The following ENPP6 variants were observed in gnomAD, a reference collection of about 807,000 sequenced individuals.
ENPP6 encodes ectonucleotide pyrophosphatase/phosphodiesterase 6.
In ENPP6, 32 loss-of-function variants were observed where a neutral mutation model predicts 42.0. The ratio of observed to expected loss-of-function variants is 0.76; its 90% CI spans 0.58 to 1.02. The LOEUF is 1.02. Ranked by LOEUF, ENPP6 falls within the 50% of genes least tolerant of loss-of-function variation. The probability of loss-of-function intolerance (pLI) is 0.00; values close to 1 mark genes in which losing one functional copy is unlikely to be tolerated. For missense variants in ENPP6, 552 were observed against 566.8 expected, an observed-to-expected ratio of 0.97 and a Z score of 0.27; for synonymous variants, 213 against 216.0, an observed-to-expected ratio of 0.99 and a Z score of 0.12.
In ENPP6 at chr4:184,207,969, A is replaced by G. The variant is rs1561012244; in HGVS notation, c.241+9610T>C. On this transcript the variant is annotated intron_variant, in intron 1 of 7. Coordinates refer to ENST00000296741, the MANE Select transcript of ENPP6 (RefSeq NM_153343.4). ...CATGCCTGTGTCTCTTCGCCTTCCT[A>G]TACTGTCATATTGGAATAGCCCGCT... is the stretch of plus-strand genomic sequence containing the variant. Among the ~76,000 whole-genome samples the G allele has an allele frequency of 3.4e-5, 5 of 146,932 alleles. No homozygotes were observed. The South Asian group carries it at 1.1e-3, about 32-fold the overall frequency.
At chr4:184,092,905 C>T (rs1177059326) in intron 7 of ENPP6, among the ~76,000 whole-genome samples, 4 of 152,218 alleles carry the variant, frequency 2.6e-5, no homozygotes, top group Non-Finnish European at 4.4e-5. Context: ...CAACAACACA[C>T]AGCAATATAT....
chr4:184,139,332 A>T (rs1409180422), intron 2 of ENPP6, among the ~76,000 whole-genome samples: 3 of 147,236 alleles, frequency 2.0e-5, no homozygotes, highest in East Asian at 2.0e-4. Flanking sequence ...TCTGAGGTGA[A>T]TTTTTTTTTT....
intron 2 of ENPP6, among the ~76,000 whole-genome samples, chr4:184,130,238 G>C (rs1490908409): frequency 6.6e-6 from 1 of 152,258 alleles, no homozygotes; most frequent in Non-Finnish European, 1.5e-5. Flanking sequence ...ATAAGCCGAT[G>C]TGCTGACATG....
intron 1 of ENPP6, among the ~76,000 whole-genome samples, chr4:184,177,052 C>G (rs1205111564): frequency 6.6e-6 from 1 of 152,196 alleles, no homozygotes; most frequent in African/African-American, 2.4e-5. Flanking sequence ...GCCTTGGGTC[C>G]CAAGCACAGA....
At position 184,214,163 on chromosome 4, in the gene ENPP6, C is replaced by T. The variant is rs532674946; in HGVS notation, c.241+3416G>A. Among the ~76,000 whole-genome samples the T allele has an allele frequency of 4.4e-4, 63 of 144,624 alleles. No individual in the cohort carries two copies. The Middle Eastern group carries it at 0.014, about 32-fold the overall frequency. 94.9% of individuals were successfully genotyped at this position (144,624 alleles called of 152,430 possible). ...CTAGATGACGAGTTAGTGGGTGCAG[C>T]GCACCAGCATGGCACATGTATACAT... On this transcript the variant is annotated intron_variant, in intron 1 of 7. Transcript: ENST00000296741.
chr4:184,188,770 G>A (rs911021669), intron 1 of ENPP6, among the ~76,000 whole-genome samples: 31 of 152,122 alleles, frequency 2.0e-4, no homozygotes, highest in Non-Finnish European at 4.1e-4. Context: ...GATGTCTCAC[G>A]CTCACACATG....
chr4:184,108,782 G>A (rs1229917632), intron 6 of ENPP6, among the ~76,000 whole-genome samples: 1 of 152,236 alleles, frequency 6.6e-6, no homozygotes, highest in African/African-American at 2.4e-5. Flanking sequence ...TGAGTTTCCA[G>A]AGAGACATTT....
chr4:184,122,472 T>C (rs1347351919), intron 3 of ENPP6, among the ~76,000 whole-genome samples: 1 of 147,544 alleles, frequency 6.8e-6, no homozygotes, highest in African/African-American at 2.5e-5. Flanking sequence ...TTCTCCAAGG[T>C]AAAGATGCAT....
intron 2 of ENPP6, among the ~76,000 whole-genome samples, chr4:184,138,908 G>A (rs1043020368): frequency 1.1e-4 from 16 of 152,220 alleles, no homozygotes; most frequent in African/African-American, 2.7e-4. Flanking sequence ...AAGAAACTTC[G>A]AAGCCAGGGC....
At chr4:184,108,060 G>A (rs977427224) in intron 6 of ENPP6, among the ~76,000 whole-genome samples, 1 of 152,164 alleles carries the variant, frequency 6.6e-6, no homozygotes, top group Non-Finnish European at 1.5e-5. Context: ...ATTTATGGTA[G>A]AAAGTTGGTG....
chr4:184,095,258 T>C (rs1321863161), intron 7 of ENPP6, among the ~76,000 whole-genome samples: 4 of 152,224 alleles, frequency 2.6e-5, no homozygotes, highest in African/African-American at 4.8e-5. Flanking sequence ...GAGGCCTCTG[T>C]TAATGGACAG....
chr4:184,114,255 C>A (rs528059685), intron 5 of ENPP6, among the ~76,000 whole-genome samples: 1 of 152,166 alleles, frequency 6.6e-6, no homozygotes, highest in African/African-American at 2.4e-5. Flanking sequence ...CGTCAGCCAT[C>A]GCGCCTGGCC....
chr4:184,119,422 A>G (rs1274864021), intron 3 of ENPP6, among the ~76,000 whole-genome samples: 1 of 151,650 alleles, frequency 6.6e-6, no homozygotes, highest in Non-Finnish European at 1.5e-5. Context: ...TCAGCAAGAA[A>G]CTATGTTGAA....
intron 1 of ENPP6, among the ~76,000 whole-genome samples, chr4:184,207,160 A>G (rs951257060): frequency 2.0e-5 from 3 of 152,196 alleles, no homozygotes; most frequent in African/African-American, 4.8e-5. Flanking sequence ...ATAATAATAT[A>G]CTGTGGAACA....
intron 6 of ENPP6, among the ~76,000 whole-genome samples, chr4:184,109,695 G>A (rs1736167245): frequency 6.6e-6 from 1 of 151,982 alleles, no homozygotes; most frequent in Non-Finnish European, 1.5e-5. Context: ...TCTTCCTTTG[G>A]AAGTGATTGT....
intron 2 of ENPP6, among the ~76,000 whole-genome samples, chr4:184,128,385 T>C (rs945267868): frequency 4.6e-5 from 7 of 152,004 alleles, no homozygotes; most frequent in Non-Finnish European, 1.0e-4. Flanking sequence ...TTCACCATGA[T>C]GGCCAGGCTG....
intron 2 of ENPP6, among the ~76,000 whole-genome samples, chr4:184,130,426 T>G (rs7665872): frequency 2.2e-5 from 2 of 92,266 alleles, no homozygotes; most frequent in South Asian, 3.7e-4. Flanking sequence ...GGCGTGGTGG[T>G]GGGCACCTGT....
chr4:184,162,433 C>T (rs1737276038), intron 1 of ENPP6, among the ~76,000 whole-genome samples: 1 of 151,938 alleles, frequency 6.6e-6, no homozygotes, highest in Non-Finnish European at 1.5e-5. Context: ...CTTCAATAAT[C>T]TATTAAATGG....
intron 1 of ENPP6, among the ~76,000 whole-genome samples, chr4:184,216,396 G>C (rs889844017): frequency 6.6e-6 from 1 of 151,870 alleles, no homozygotes; most frequent in Non-Finnish European, 1.5e-5. Flanking sequence ...TTATTTCTCC[G>C]AAGTATCTCT....
Sources: gnomAD v4.1 joint callset for allele counts (sites outside exome capture counted in the v4.1 genomes callset) on GRCh38, gnomAD v4.1.1 for gene constraint, MANE v1.5 for transcripts, NCBI Gene and HGNC (gene_info 2026-07-23, HGNC 2026-07-21) for gene names.